The following DPP10 variants were observed in gnomAD, a reference collection of about 807,000 sequenced individuals.
DPP10 encodes inactive dipeptidyl peptidase 10.
A neutral mutation model predicts 120.9 loss-of-function variants in DPP10; 33 were observed. The observed-to-expected ratio is 0.27, with a 90% CI of 0.21 to 0.37. The LOEUF is 0.37. DPP10 is among the 10% of genes least tolerant of loss of function. The probability of loss-of-function intolerance (pLI) is 1.00; values close to 1 mark genes in which losing one functional copy is unlikely to be tolerated. For synonymous variants in DPP10, 337 were observed against 326.1 expected, an observed-to-expected ratio of 1.03 and a Z score of -0.36; for missense variants, 816 against 942.8, an observed-to-expected ratio of 0.87 and a Z score of 1.76.
At chr2:115,016,877 A>G (rs1702682270) in intron 1 of DPP10, among the ~76,000 whole-genome samples, 1 of 152,184 alleles carries the variant, frequency 6.6e-6, no homozygotes, top group Non-Finnish European at 1.5e-5. Context: ...CTATGCAGCC[A>G]TAGAAAATGA....
intron 2 of DPP10, among the ~76,000 whole-genome samples, chr2:115,323,937 G>A (rs1235947085): frequency 1.3e-5 from 2 of 152,128 alleles, no homozygotes; most frequent in Non-Finnish European, 2.9e-5. Flanking sequence ...AGGGTTCTGA[G>A]GATAGTAAAT....
intron 2 of DPP10, among the ~76,000 whole-genome samples, chr2:115,314,763 C>T (rs901589507): frequency 2.6e-5 from 4 of 152,240 alleles, no homozygotes; most frequent in East Asian, 1.9e-4. Flanking sequence ...ATATGTGTTA[C>T]ATCCATGAAG....
intron 1 of DPP10, among the ~76,000 whole-genome samples, chr2:115,018,462 T>A (rs1702829380): frequency 6.6e-6 from 1 of 152,126 alleles, no homozygotes; most frequent in Admixed American, 6.5e-5. Context: ...AACCCAAATG[T>A]CCATCAATGA....
At chr2:115,684,976 ACTAGCT>A (rs2090903492) in intron 5 of DPP10, among the ~76,000 whole-genome samples, 1 of 151,922 alleles carries the variant, frequency 6.6e-6, no homozygotes, top group South Asian at 2.1e-4. Flanking sequence ...TGCTTCATGT[ACTAGCT>A]CCCTGAAAGG....
chr2:115,357,255 G>A (rs1216885024), intron 3 of DPP10, among the ~76,000 whole-genome samples: 1 of 152,192 alleles, frequency 6.6e-6, no homozygotes, highest in Non-Finnish European at 1.5e-5. Context: ...TCCACCTAGT[G>A]CCTGTAAAAC....
intron 1 of DPP10, among the ~76,000 whole-genome samples, chr2:114,881,594 G>A (rs3962168): frequency 0.076 from 7,302 of 96,152 alleles, 235 homozygotes; most frequent in East Asian, 0.12. Flanking sequence ...CTGTCTGTCT[G>A]TCTGTCTATC....
chr2:114,560,604 C>A (rs1451346986), intron 1 of DPP10, among the ~76,000 whole-genome samples: 1 of 152,136 alleles, frequency 6.6e-6, no homozygotes, highest in Non-Finnish European at 1.5e-5. Flanking sequence ...TATAGGCCAG[C>A]CAGGCTTCCC....
At chr2:114,467,155 G>T (rs1424632031) in intron 1 of DPP10, among the ~76,000 whole-genome samples, 1 of 152,136 alleles carries the variant, frequency 6.6e-6, no homozygotes, top group Non-Finnish European at 1.5e-5. Context: ...AAATAAAGAG[G>T]CAACCTTACA....
chr2:114,936,611 A>G (rs558342957), intron 1 of DPP10, among the ~76,000 whole-genome samples: 4 of 152,150 alleles, frequency 2.6e-5, no homozygotes, highest in South Asian at 2.1e-4. Flanking sequence ...AAACTTTGAC[A>G]TGGGATTGCT....
At chr2:115,576,749 C>G (rs2149110196) in intron 5 of DPP10, among the ~76,000 whole-genome samples, 1 of 152,244 alleles carries the variant, frequency 6.6e-6, no homozygotes, top group South Asian at 2.1e-4. Context: ...AAGCCACTCA[C>G]AAAATTGAAG....
At chr2:115,757,566 G>A (rs527541166) in intron 11 of DPP10, among the ~76,000 whole-genome samples, 3 of 152,076 alleles carry the variant, frequency 2.0e-5, no homozygotes, top group Admixed American at 6.5e-5. Flanking sequence ...ACCTTCCACC[G>A]GGCTTCTCCC....
At chr2:114,970,276 CTG>C (rs1223080648) in intron 1 of DPP10, among the ~76,000 whole-genome samples, 1 of 152,058 alleles carries the variant, frequency 6.6e-6, no homozygotes, top group Non-Finnish European at 1.5e-5. Flanking sequence ...AAGGTGAAGT[CTG>C]TGACAATGAT....
At chr2:115,438,204 A>T (rs906690709) in intron 3 of DPP10, among the ~76,000 whole-genome samples, 2 of 152,164 alleles carry the variant, frequency 1.3e-5, no homozygotes, top group Non-Finnish European at 2.9e-5. Context: ...CATTCATTAG[A>T]ATGGCTGTCA....
chr2:115,412,484 G>A (rs1186326574), intron 3 of DPP10, among the ~76,000 whole-genome samples: 2 of 152,170 alleles, frequency 1.3e-5, no homozygotes, highest in Admixed American at 1.3e-4. Context: ...GTGTCTACTC[G>A]AAGGTTCATC....
intron 1 of DPP10, among the ~76,000 whole-genome samples, chr2:114,884,108 G>A (rs148649646): frequency 2.6e-5 from 4 of 151,928 alleles, no homozygotes; most frequent in East Asian, 3.9e-4. Context: ...TCCTGTTAAT[G>A]TATTAAAGAT....
chr2:114,813,030 T>A (rs1480043716), intron 1 of DPP10, among the ~76,000 whole-genome samples: 1 of 152,154 alleles, frequency 6.6e-6, no homozygotes, highest in East Asian at 1.9e-4. Context: ...GTGGTCCATA[T>A]AAAATTAAGC....
intron 19 of DPP10, among the ~76,000 whole-genome samples, chr2:115,805,870 C>T (rs146571821): frequency 2.0e-5 from 3 of 152,174 alleles, no homozygotes; most frequent in African/African-American, 2.4e-5. Flanking sequence ...CCGCCGCGCC[C>T]GGCACTTCCT....
At chr2:114,705,251 T>A (rs1420981684) in intron 1 of DPP10, among the ~76,000 whole-genome samples, 1 of 152,166 alleles carries the variant, frequency 6.6e-6, no homozygotes, top group Non-Finnish European at 1.5e-5. Flanking sequence ...TATCCTAATA[T>A]GACATAATCT....
At chr2:114,690,277 G>A (rs1699650250) in intron 1 of DPP10, among the ~76,000 whole-genome samples, 1 of 151,886 alleles carries the variant, frequency 6.6e-6, no homozygotes, top group African/African-American at 2.4e-5. Flanking sequence ...TAAGGAACTG[G>A]TTTAGTTTCA....
Sources: allele counts gnomAD v4.1 joint callset (sites outside exome capture counted in the v4.1 genomes callset), GRCh38; gene constraint gnomAD v4.1.1; transcripts MANE v1.5; gene names NCBI Gene and HGNC (gene_info 2026-07-23, HGNC 2026-07-21).